REPS1: variants seen among roughly 807,000 people sequenced by gnomAD.
REPS1 encodes ralBP1-associated Eps domain-containing protein 1.
REPS1 carries 39 observed loss-of-function variants against 100.9 expected under a neutral mutation model. The observed-to-expected ratio is 0.39, with a 90% CI of 0.30 to 0.50. The LOEUF is 0.50. Ranked by LOEUF, REPS1 falls within the 20% of genes least tolerant of loss-of-function variation. The pLI, the probability that REPS1 is intolerant of heterozygous loss-of-function variation, is 0.86. For synonymous variants in REPS1, 324 were observed against 340.3 expected (o/e 0.95, Z 0.53); for missense variants, 821 against 968.5 (o/e 0.85, Z 2.02).
rs374958732 is a variant in REPS1, at chr6:138,930,051, C to G, written c.1183G>C (p.Glu395Gln). 1 of 1,613,586 alleles carries G rather than the reference C, an allele frequency of 6.2e-7. No individual in the cohort carries two copies. The highest frequency in any genetic ancestry group is 8.5e-7 in the Non-Finnish European group (1 of 1,179,602). The change falls in exon 9 of 20, where the codon GAA (glutamate) becomes CAA (glutamine). Residue 395 changes from glutamate (E) to glutamine (Q), a missense_variant. Physicochemically the swap from Glu to Gln is conservative, Grantham distance 29 (BLOSUM62 2). Transcript: ENST00000450536. Reference sequence around the variant, plus strand: ...GATGGTGACTTGCTTGGAGGAGCTTCAGCAGGAGAGCCTGAATAACCTACC... The same window carrying G: ...GATGGTGACTTGCTTGGAGGAGCTTGAGCAGGAGAGCCTGAATAACCTACC... The part of the protein sequence containing the change: ...GEVGYSGSPA[E>Q]APPSKSPSMP...
At chr6:138,910,188 C>T (rs1405199807) in intron 17 of REPS1, among the ~76,000 whole-genome samples, 1 of 152,124 alleles carries the variant, frequency 6.6e-6, no homozygotes, top group African/African-American at 2.4e-5. Flanking sequence ...CACATGAGAG[C>T]TGGCTGTTTA....
intron 8 of REPS1, among the ~76,000 whole-genome samples, chr6:138,930,425 G>A (rs1781418033): frequency 6.6e-6 from 1 of 152,112 alleles, no homozygotes. Flanking sequence ...GTTTCCCAAA[G>A]TGTATTCTAT....
Position 138,941,342 on chromosome 6 carries a change from A to G in REPS1, c.1128T>C (p.Asp376=), listed in dbSNP as rs747083126. The stretch of plus-strand genomic sequence containing the variant: ...TTCAGCTCCCAATCTTACCTGCTGA[A>G]TCTTCCAAATCAATCAGTTTGGGCA... ...SLMPKLIDLE[D]SADVGDQPGE... The change falls in exon 8 of 20, where the codon GAT becomes GAC. Residue 376 remains aspartate (D), a synonymous_variant. Transcript: ENST00000450536. The G allele has an allele frequency of 2.4e-5, 39 of 1,613,876 alleles. No homozygotes were observed. In the Middle Eastern group the frequency reaches 1.5e-3, roughly 61 times the overall value.
At chr6:138,982,172 C>G (rs1329312032) in intron 1 of REPS1, among the ~76,000 whole-genome samples, 1 of 152,192 alleles carries the variant, frequency 6.6e-6, no homozygotes, top group Non-Finnish European at 1.5e-5. Context: ...ACTTTCAACA[C>G]AGAAATGAGC....
chr6:138,965,357 C>A lies in REPS1; in HGVS notation c.154-17444G>T, dbSNP rs536501615. Among the ~76,000 whole-genome samples the A allele has an allele frequency of 3.9e-3, 590 of 150,314 alleles. 2 individuals are homozygous for A. Among genetic ancestry groups the A allele is most frequent in the Non-Finnish European group, 6.8e-3 (458 of 67,456 alleles). ...TTAACAATGACAACAACAACAACGA[C>A]AAAAAGGCTTTAAAAAAAAAACAAA... On this transcript the variant is annotated intron_variant, in intron 1 of 19. Coordinates refer to ENST00000450536, the MANE Select transcript of REPS1 (RefSeq NM_001286611.2).
chr6:138,968,411 A>G (rs1784131581), intron 1 of REPS1, among the ~76,000 whole-genome samples: 1 of 152,254 alleles, frequency 6.6e-6, no homozygotes. Context: ...AAATCAAAGT[A>G]ATGGGCAAAG....
intron 8 of REPS1, among the ~76,000 whole-genome samples, chr6:138,939,448 C>T (rs1198081088): frequency 1.3e-5 from 2 of 152,102 alleles, no homozygotes; most frequent in African/African-American, 4.8e-5. Context: ...GAACCATCAA[C>T]CTTATAGATC....
intron 1 of REPS1, among the ~76,000 whole-genome samples, chr6:138,963,763 T>C (rs987076768): frequency 1.1e-4 from 16 of 152,182 alleles, no homozygotes; most frequent in African/African-American, 3.9e-4. Flanking sequence ...CTTTCTGCTA[T>C]CAAAACAGAA....
Position 138,943,876 on chromosome 6 carries a change from G to A in REPS1, c.893C>T (p.Pro298Leu). Reference protein sequence around the residue: ...YYVNQFKTIQPDLNGFIPGSA... With the variant: ...YYVNQFKTIQLDLNGFIPGSA... ...ACCTGGAATAAATCCGTTTAGATCA[G>A]GCTGAATGGTTTTAAACTGATTTAC... is the stretch of plus-strand genomic sequence containing the variant. The change falls in exon 6 of 20, where the codon CCT (proline) becomes CTT (leucine). Residue 298 changes from proline (P) to leucine (L), a missense_variant. Pro to Leu is a moderately conservative substitution (Grantham distance 98). Around this residue, in one of 3 missense-constraint regions of REPS1, gnomAD observed 757 missense variants for 866.4 expected, o/e 0.87. Coordinates refer to ENST00000450536, the MANE Select transcript of REPS1 (RefSeq NM_001286611.2). 1.9e-6 allele frequency: 3 copies of A among 1,613,432 alleles called. No individual in the cohort carries two copies. The highest frequency in any genetic ancestry group is 2.5e-6 in the Non-Finnish European group (3 of 1,179,676).
chr6:138,914,456 A>C (rs1780219920), intron 15 of REPS1, among the ~76,000 whole-genome samples: 1 of 152,192 alleles, frequency 6.6e-6, no homozygotes, highest in Admixed American at 6.5e-5. Flanking sequence ...TGTTTCCACT[A>C]AACTCTTCTC....
At chr6:138,977,796 T>A (rs1449926633) in intron 1 of REPS1, among the ~76,000 whole-genome samples, 1 of 152,220 alleles carries the variant, frequency 6.6e-6, no homozygotes, top group African/African-American at 2.4e-5. Flanking sequence ...TATGGCAAAT[T>A]TATGCTTAAC....
intron 10 of REPS1, among the ~76,000 whole-genome samples, chr6:138,924,751 A>T (rs1340751412): frequency 6.6e-6 from 1 of 152,228 alleles, no homozygotes; most frequent in East Asian, 1.9e-4. Flanking sequence ...AACAAAGATA[A>T]AACTTCTAAT....
rs183248868 is a variant in REPS1 at position 138,917,902 on chromosome 6, C to G, written c.1529-275G>C. Among the ~76,000 whole-genome samples, 477 of 152,226 alleles carry G rather than the reference C, an allele frequency of 3.1e-3. 4 individuals carry two copies. Among genetic ancestry groups the G allele is most frequent in the African/African-American group, 0.011 (458 of 41,528 alleles). ...ATTCAAAATAAGTCACAAAATAGTA[C>G]ATATACAATGTGGCCCTCCAAATCT... On this transcript the variant is annotated intron_variant, in intron 12 of 19. Coordinates refer to ENST00000450536, the MANE Select transcript of REPS1 (RefSeq NM_001286611.2).
Position 138,947,073 on chromosome 6 carries a change from T to TCC in REPS1, c.277+716_277+717insGG, listed in dbSNP as rs1332166551. 5.9e-5 allele frequency among the ~76,000 whole-genome samples: 8 copies of TCC among 136,166 alleles called. No homozygotes were observed. The South Asian group carries it at 1.4e-3, about 23-fold the overall frequency. The allele number at this position is 136,166 out of a possible 152,430, so 89.3% of individuals were successfully genotyped here. On this transcript the variant is annotated intron_variant, in intron 2 of 19. Coordinates refer to ENST00000450536, the MANE Select transcript of REPS1 (RefSeq NM_001286611.2). ...CTCTCTCTCTCTCTCTCTCTCTCTC[T>TCC]CTCCTGTGGCCACATAAGATGTGCC...
At chr6:138,949,769 C>T (rs992922046) in intron 1 of REPS1, among the ~76,000 whole-genome samples, 6 of 151,890 alleles carry the variant, frequency 4.0e-5, no homozygotes, top group African/African-American at 1.5e-4. Flanking sequence ...TATTGACCTG[C>T]AAACTGTCAT....
intron 1 of REPS1, among the ~76,000 whole-genome samples, chr6:138,955,458 G>A (rs868806709): frequency 3.6e-4 from 7 of 19,410 alleles, no homozygotes; most frequent in Non-Finnish European, 5.5e-4. Context: ...AAAAAAAAAA[G>A]TGTGTGTGTG....
intron 1 of REPS1, among the ~76,000 whole-genome samples, chr6:138,985,655 T>C (rs1785218077): frequency 6.6e-6 from 1 of 152,238 alleles, no homozygotes; most frequent in Admixed American, 6.5e-5. Flanking sequence ...GAGTTCCAAC[T>C]TGTAACTGAA....
At chr6:138,972,032 G>A (rs1784372351) in intron 1 of REPS1, among the ~76,000 whole-genome samples, 1 of 152,120 alleles carries the variant, frequency 6.6e-6, no homozygotes. Context: ...CAATATTGCT[G>A]GGATATAGAG....
intron 16 of REPS1, 132 bp downstream of exon 16, chr6:138,912,633 A>G: frequency 3.5e-6 from 3 of 850,826 alleles, no homozygotes; most frequent in Admixed American, 4.3e-5. Context: ...GGAGGCCAAT[A>G]AAAAAGATGA....
Sources: gnomAD v4.1 joint callset for allele counts (sites outside exome capture counted in the v4.1 genomes callset) on GRCh38, gnomAD v4.1.1 for gene constraint, gnomAD v4.1.1 regional missense constraint, MANE v1.5 for transcripts, NCBI Gene and HGNC (gene_info 2026-07-23, HGNC 2026-07-21) for gene names.